Variants in MOGS observed in about 807,000 individuals in gnomAD.
The protein encoded by MOGS is mannosyl-oligosaccharide glucosidase, also known as epididymis secretory sperm binding protein.
In MOGS, 45 loss-of-function variants were observed where a neutral mutation model predicts 68.5. That is an observed-to-expected ratio of 0.66 (90% CI 0.52 to 0.84). The LOEUF is 0.84. Among genes scored for constraint, MOGS ranks in the 40% least tolerant of loss-of-function variants. MOGS has a pLI of 0.00. For synonymous variants in MOGS, 492 were observed against 461.2 expected, an observed-to-expected ratio of 1.07 and a Z score of -0.86; for missense variants, 1,020 against 1,095.0, an observed-to-expected ratio of 0.93 and a Z score of 0.97.
rs199939051 is a variant in MOGS at position 74,461,938 on chromosome 2, A to T, written c.1851T>A (p.His617Gln). 6.9e-4 allele frequency: 1,112 copies of T among 1,614,002 alleles called. 1 individual carries two copies. Among genetic ancestry groups the T allele is most frequent in the Non-Finnish European group, 5.4e-4 (639 of 1,180,018 alleles). Residue 617 changes from histidine (H) to glutamine (Q), a missense_variant, in exon 4 of 4, where the codon CAT becomes CAA. Coordinates refer to ENST00000448666, the MANE Select transcript of MOGS (RefSeq NM_006302.3). Reference sequence around the variant, plus strand: ...CAGCAGCTACCTCAGCCTCACCCAGATGCTCTGCCAGCCGCGTCAGCACAC... The same window carrying T: ...CAGCAGCTACCTCAGCCTCACCCAGTTGCTCTGCCAGCCGCGTCAGCACAC... ...GARVLTRLAE[H>Q]LGEAEVAAEL...
intron 2 of MOGS, among the ~76,000 whole-genome samples, chr2:74,463,853 C>A (rs946440217): frequency 6.6e-6 from 1 of 150,600 alleles, no homozygotes; most frequent in African/African-American, 2.4e-5. Flanking sequence ...TTAGTAGAGA[C>A]CGGGTTTCAC....
chr2:74,464,764 T>A, intron 1 of MOGS, 42 bp from the exon 2 acceptor site: 1 of 1,591,146 alleles, frequency 6.3e-7, no homozygotes, highest in Non-Finnish European at 8.6e-7. Flanking sequence ...GCAGGGGACC[T>A]GTCCCTCCGG....
chr2:74,464,961 C>A lies in MOGS; in HGVS notation c.287G>T (p.Trp96Leu). 6.3e-7 allele frequency: 1 copy of A among 1,587,216 alleles called. No homozygotes were observed. Among genetic ancestry groups the A allele is most frequent in the East Asian group, 2.3e-5 (1 of 43,574 alleles). The part of the protein sequence containing the change: ...SSPAVAPDLF[W>L]GTYRPHVYFG... ...GTAGACGTGAGGGCGGTAGGTTCCC[C>A]AGAAGAGGTCCGGGGCCACGGCGGG... The change falls in exon 1 of 4, where the codon TGG (tryptophan) becomes TTG (leucine). Residue 96 changes from tryptophan (W) to leucine (L), a missense_variant. Trp to Leu is a moderately conservative substitution (Grantham distance 61). Coordinates refer to ENST00000448666, the MANE Select transcript of MOGS (RefSeq NM_006302.3).
chr2:74,464,007 TG>T (rs1672001337), intron 2 of MOGS, among the ~76,000 whole-genome samples: 1 of 147,760 alleles, frequency 6.8e-6, no homozygotes, highest in South Asian at 2.1e-4. Flanking sequence ...TTGCCCAGGC[TG>T]GAGTGCAATG....
In MOGS at chr2:74,462,907, A is replaced by AG. The variant is rs750486813; in HGVS notation, c.881dup (p.Glu295Ter). 28 of 1,613,848 alleles carry AG rather than the reference A, an allele frequency of 1.7e-5. No individual in the cohort carries two copies. The highest frequency in any genetic ancestry group is 2.1e-5 in the Non-Finnish European group (25 of 1,179,938). ...ATCCTGGCAAGCCGAGGTAGCGTTCAGGGGGGGCCCCTGGGGGCCGATGCT... is the reference window on the plus strand; with the variant it reads ...ATCCTGGCAAGCCGAGGTAGCGTTCAGGGGGGGGCCCCTGGGGGCCGATGCT... On this transcript the variant is annotated frameshift_variant, in exon 4 of 4. Coordinates refer to ENST00000448666, the MANE Select transcript of MOGS (RefSeq NM_006302.3). LOFTEE classifies it high-confidence loss of function.
In MOGS at chr2:74,461,376, G is replaced by A; in HGVS notation, c.2413C>T (p.Leu805Phe). Residue 805 changes from leucine to phenylalanine, a missense_variant, in exon 4 of 4, where the codon CTT becomes TTT. Coordinates refer to ENST00000448666, the MANE Select transcript of MOGS (RefSeq NM_006302.3). ...VWRQYQATGF[L>F]WEQYSDRDGR... is the part of the protein sequence containing the mutation. ...TCGCGGTCACTGTACTGCTCCCAAA[G>A]AAAGCCTGTAGCCTGGTACTGGCGC... is the stretch of plus-strand genomic sequence containing the variant. The A allele has an allele frequency of 6.2e-7, 1 of 1,614,172 alleles. No homozygotes were observed. Among genetic ancestry groups the A allele is most frequent in the Non-Finnish European group, 8.5e-7 (1 of 1,180,046 alleles).
Position 74,464,557 on chromosome 2 carries a change from A to T in MOGS, c.518T>A (p.Val173Asp). Residue 173 changes from valine to aspartate, a missense_variant, in exon 2 of 4, where the codon GTC (valine) becomes GAC (aspartate). Transcript: ENST00000448666. ...DGALRLTTEF[V>D]KRPGGQHGGD... Reference sequence around the variant, plus strand: ...TCCGTGCTGACCCCCAGGCCTCTTGACGAACTCAGTGGTGAGCCTTAAGGC... The same window carrying T: ...TCCGTGCTGACCCCCAGGCCTCTTGTCGAACTCAGTGGTGAGCCTTAAGGC... The T allele has an allele frequency of 6.2e-7, 1 of 1,614,114 alleles. No homozygotes were observed. The highest frequency in any genetic ancestry group is 8.5e-7 in the Non-Finnish European group (1 of 1,180,020).
intron 2 of MOGS, 169 bp from the exon 3 acceptor site, chr2:74,463,555 G>A: frequency 1.4e-6 from 1 of 699,392 alleles, no homozygotes; most frequent in African/African-American, 1.8e-5. Flanking sequence ...GTACACCCAA[G>A]CGGGATGAGA....
Position 74,465,175 on chromosome 2 carries a change from C to T in MOGS, c.73G>A (p.Gly25Arg). The T allele has an allele frequency of 6.5e-7, 1 of 1,531,712 alleles. No individual in the cohort carries two copies. Among genetic ancestry groups the T allele is most frequent in the South Asian group, 1.2e-5 (1 of 83,814 alleles). 94.9% of individuals were successfully genotyped at this position (1,531,712 alleles called of 1,614,324 possible). The stretch of plus-strand genomic sequence containing the variant: ...CGGCCGTCCCGTCGCCCGGGGCCTC[C>T]CCGAGCCGCCCTCTCGGCTGTCCGC... ...GVRTAERAARGGPGRRDGRGG... is the reference protein window; with the variant it reads ...GVRTAERAARRGPGRRDGRGG... Residue 25 changes from glycine (G) to arginine (R), a missense_variant, in exon 1 of 4, where the codon GGA becomes AGA. Physicochemically the swap from Gly to Arg is moderately radical, Grantham distance 125 (BLOSUM62 -2). Coordinates refer to ENST00000448666, the MANE Select transcript of MOGS (RefSeq NM_006302.3).
chr2:74,461,146 G>A lies in MOGS; in HGVS notation c.*129C>T. On this transcript the variant is annotated 3_prime_UTR_variant, in exon 4 of 4. Coordinates refer to ENST00000448666, the MANE Select transcript of MOGS (RefSeq NM_006302.3). ...GGGCTATGTGGGATGACAGCAAGGA[G>A]ACACCTGAGATGAAATGAGGAAGGT... The A allele has an allele frequency of 4.0e-6, 4 of 1,008,254 alleles. No homozygotes were observed. The highest frequency in any genetic ancestry group is 2.7e-5 in the South Asian group (2 of 73,864). 62.5% of individuals were successfully genotyped at this position (1,008,254 alleles called of 1,614,324 possible).
Position 74,463,097 on chromosome 2 carries a change from C to T in MOGS, c.777-85G>A, listed in dbSNP as rs780409961. Reference sequence around the variant, plus strand: ...AGAGAAATACAAAGTGTTCAGGAGTCAGGTTGGGAGGTCTCAGGCAGGGGA... The same window carrying T: ...AGAGAAATACAAAGTGTTCAGGAGTTAGGTTGGGAGGTCTCAGGCAGGGGA... On this transcript the variant is annotated intron_variant, in intron 3 of 3. Transcript: ENST00000448666. 4.6e-4 allele frequency: 736 copies of T among 1,609,706 alleles called. 1 individual carries two copies. Among genetic ancestry groups the T allele is most frequent in the Non-Finnish European group, 6.0e-4 (707 of 1,176,716 alleles).
rs751946773 is a variant in MOGS at position 74,464,955 on chromosome 2, G to A, written c.293C>T (p.Thr98Ile). ...GCCGAAGTAGACGTGAGGGCGGTAG[G>A]TTCCCCAGAAGAGGTCCGGGGCCAC... The part of the protein sequence containing the change: ...PAVAPDLFWG[T>I]YRPHVYFGMK... The change falls in exon 1 of 4, where the codon ACC becomes ATC. Residue 98 changes from threonine (T) to isoleucine (I), a missense_variant. Thr to Ile is a moderately conservative substitution (Grantham distance 89). Transcript: ENST00000448666. The A allele has an allele frequency of 1.9e-6, 3 of 1,592,530 alleles. No individual in the cohort carries two copies. In the South Asian group the frequency reaches 3.4e-5, roughly 18 times the overall value.
intron 2 of MOGS, chr2:74,463,612 G>T: frequency 6.2e-6 from 3 of 486,428 alleles, no homozygotes; most frequent in Non-Finnish European, 3.8e-6. Context: ...GTATACTTTT[G>T]TACTATGTCC....
chr2:74,463,657 A>ATTT, intron 2 of MOGS: 3 of 299,452 alleles, frequency 1.0e-5, no homozygotes, highest in East Asian at 9.4e-5. Context: ...ATTTCATTTA[A>ATTT]TTCTTTTTTT....
intron 2 of MOGS, among the ~76,000 whole-genome samples, chr2:74,464,114 C>T (rs1337382585): frequency 1.3e-5 from 2 of 152,000 alleles, no homozygotes; most frequent in East Asian, 1.9e-4. Context: ...CATGCGCCAC[C>T]ACGCCCGGCT....
Position 74,461,101 on chromosome 2 carries a change from C to T in MOGS, c.*174G>A. 1.3e-6 allele frequency: 1 copy of T among 741,736 alleles called. No individual in the cohort carries two copies. The highest frequency in any genetic ancestry group is 2.2e-6 in the Non-Finnish European group (1 of 453,294). 45.9% of individuals were successfully genotyped at this position (741,736 alleles called of 1,614,324 possible). A position where few individuals can be genotyped will look rare whatever the true frequency, so the allele number is the denominator to read the frequency against. On this transcript the variant is annotated 3_prime_UTR_variant, in exon 4 of 4. Transcript: ENST00000448666. Reference sequence around the variant, plus strand: ...TCCAATTTATTTAGAAAAATAGACTCTGGATTCACATTCACCCCAGGGCTA... The same window carrying T: ...TCCAATTTATTTAGAAAAATAGACTTTGGATTCACATTCACCCCAGGGCTA...
chr2:74,461,766 C>T lies in MOGS; in HGVS notation c.2023G>A (p.Val675Met), dbSNP rs1346001298. ...KPRPPQGLVR[V>M]VGRPQPQLQY... ...AGTTGAGGTTGGGGCCGACCCACCA[C>T]CCGAACGAGCCCCTGAGGGGGCCTG... The change falls in exon 4 of 4, where the codon GTG (valine) becomes ATG (methionine). Residue 675 changes from valine (V) to methionine (M), a missense_variant. Physicochemically the swap from Val to Met is conservative, Grantham distance 21 (BLOSUM62 1). Coordinates refer to ENST00000448666, the MANE Select transcript of MOGS (RefSeq NM_006302.3). 2 of 1,614,206 alleles carry T rather than the reference C, an allele frequency of 1.2e-6. No homozygotes were observed. The highest frequency in any genetic ancestry group is 1.3e-5 in the African/African-American group (1 of 75,056).
At chr2:74,463,413 AAC>A (rs773911781) in intron 2 of MOGS, 27 bp from the exon 3 acceptor site, 2 of 1,606,920 alleles carry the variant, frequency 1.2e-6, no homozygotes, top group Non-Finnish European at 1.7e-6. Context: ...GACAGAAAAG[AAC>A]AGTGTTAGAT....
chr2:74,461,502 A>C lies in MOGS; in HGVS notation c.2287T>G (p.Leu763Val). ...AVWLNVNYLA[L>V]GALHHYGHLE... ...TGCCCATAGTGGTGGAGTGCTCCCAAAGCCAGGTAGTTGACATTGAGCCAC... is the reference window on the plus strand; with the variant it reads ...TGCCCATAGTGGTGGAGTGCTCCCACAGCCAGGTAGTTGACATTGAGCCAC... Residue 763 changes from leucine (L) to valine (V), a missense_variant, in exon 4 of 4, where the codon TTG becomes GTG. Transcript: ENST00000448666. 1 of 1,613,986 alleles carries C rather than the reference A, an allele frequency of 6.2e-7. No homozygotes were observed. The highest frequency in any genetic ancestry group is 8.5e-7 in the Non-Finnish European group (1 of 1,179,934).
Sources: gnomAD v4.1 joint callset for allele counts (sites outside exome capture counted in the v4.1 genomes callset) on GRCh38, gnomAD v4.1.1 for gene constraint, MANE v1.5 for transcripts, NCBI Gene and HGNC (gene_info 2026-07-23, HGNC 2026-07-21) for gene names.